Variants in PLCXD3 observed in about 807,000 individuals in gnomAD.
PLCXD3 encodes the protein phosphatidylinositol specific phospholipase C X domain containing 3, also known as PI-PLC X domain-containing protein 3.
A neutral mutation model predicts 25.5 loss-of-function variants in PLCXD3; 19 were observed. The ratio of observed to expected loss-of-function variants is 0.75; its 90% CI spans 0.52 to 1.09. The LOEUF (loss-of-function observed/expected upper bound fraction) is 1.09, where lower values mean the gene tolerates loss of function less well. PLCXD3 is among the 50% of genes least tolerant of loss of function. The pLI, the probability that PLCXD3 is intolerant of heterozygous loss-of-function variation, is 0.00. For synonymous variants in PLCXD3, 174 were observed against 137.6 expected, an observed-to-expected ratio of 1.26 and a Z score of -1.85; for missense variants, 411 against 388.1, an observed-to-expected ratio of 1.06 and a Z score of -0.50.
intron 1 of PLCXD3, among the ~76,000 whole-genome samples, chr5:41,448,473 A>G (rs1157578031): frequency 6.6e-6 from 1 of 152,258 alleles, no homozygotes; most frequent in Non-Finnish European, 1.5e-5. Flanking sequence ...TGATAGAATT[A>G]GAGAGCAAAA....
intron 1 of PLCXD3, among the ~76,000 whole-genome samples, chr5:41,444,274 G>T (rs190877305): frequency 1.7e-3 from 265 of 152,232 alleles, no homozygotes; most frequent in African/African-American, 6.1e-3. Flanking sequence ...TTTCTTAGGA[G>T]GGTTAATATT....
At chr5:41,416,225 G>T (rs1746688286) in intron 1 of PLCXD3, among the ~76,000 whole-genome samples, 1 of 152,166 alleles carries the variant, frequency 6.6e-6, no homozygotes, top group Admixed American at 6.5e-5. Flanking sequence ...GGAGCCAAGG[G>T]CAAGATGAAG....
At chr5:41,441,389 G>T (rs148721005) in intron 1 of PLCXD3, among the ~76,000 whole-genome samples, 3 of 152,302 alleles carry the variant, frequency 2.0e-5, no homozygotes, top group African/African-American at 7.2e-5. Flanking sequence ...TGGAAAAGAA[G>T]AAATGCATTG....
At position 41,311,382 on chromosome 5, in the gene PLCXD3, A is replaced by T. The variant is rs1361716491; in HGVS notation, c.*2235T>A. 2 of 152,180 alleles carry T rather than the reference A, an allele frequency of 1.3e-5. 1 individual carries two copies. Among genetic ancestry groups the T allele is most frequent in the East Asian group, 3.9e-4 (2 of 5,192 alleles). 9.4% of individuals were successfully genotyped at this position (152,180 alleles called of 1,614,324 possible). On this transcript the variant is annotated 3_prime_UTR_variant, in exon 3 of 3. Transcript: ENST00000377801. ...TTAAGTCCTACACTAGAATTCTTTT[A>T]CAAAAATACTTTGATGTGATCATCT...
intron 1 of PLCXD3, among the ~76,000 whole-genome samples, chr5:41,501,268 C>A (rs1168972563): frequency 1.3e-5 from 2 of 151,928 alleles, no homozygotes; most frequent in African/African-American, 4.8e-5. Context: ...TTGCAATAAG[C>A]TTCAGTATCG....
rs201637625 is a variant in PLCXD3 at position 41,420,974 on chromosome 5, TTC to T, written c.104-38442_104-38441del. On this transcript the variant is annotated intron_variant, in intron 1 of 2. Coordinates refer to ENST00000377801, the MANE Select transcript of PLCXD3 (RefSeq NM_001005473.3). ...ATACTTTTCCCCTGCATTTCCTGCA[TTC>T]TTTCAGTGGAATCTTACCCACAAGT... 3.4e-4 allele frequency among the ~76,000 whole-genome samples: 51 copies of T among 152,236 alleles called. No individual in the cohort carries two copies. The East Asian group carries it at 6.4e-3, about 19-fold the overall frequency.
Position 41,503,417 on chromosome 5 carries a change from G to C in PLCXD3, c.103+7007C>G, listed in dbSNP as rs564169210. Among the ~76,000 whole-genome samples the C allele has an allele frequency of 2.2e-3, 335 of 152,234 alleles. 1 individual carries two copies. The highest frequency in any genetic ancestry group is 2.4e-3 in the Non-Finnish European group (166 of 68,010). ...GCATTTAAGATAGAGTGTTGTAAGA[G>C]CTGTCCACTTCCAGGATCTGTAATG... On this transcript the variant is annotated intron_variant, in intron 1 of 2. Coordinates refer to ENST00000377801, the MANE Select transcript of PLCXD3 (RefSeq NM_001005473.3).
At position 41,359,235 on chromosome 5, in the gene PLCXD3, T is replaced by C. The variant is rs184315359; in HGVS notation, c.812+22591A>G. ...TTAGGGTGTTACTGGTTTCACAGAA[T>C]GATTTAGGGAGGATTCCCTCTTTCT... On this transcript the variant is annotated intron_variant, in intron 2 of 2. Transcript: ENST00000377801. 9.2e-5 allele frequency among the ~76,000 whole-genome samples: 14 copies of C among 152,322 alleles called. No homozygotes were observed. In the South Asian group the frequency reaches 1.2e-3, roughly 14 times the overall value.
At chr5:41,505,980 G>A (rs1749045211) in intron 1 of PLCXD3, among the ~76,000 whole-genome samples, 1 of 152,190 alleles carries the variant, frequency 6.6e-6, no homozygotes, top group Non-Finnish European at 1.5e-5. Context: ...TTACATAAAA[G>A]CCCTCTTTAG....
intron 2 of PLCXD3, among the ~76,000 whole-genome samples, chr5:41,374,334 T>G (rs1247289916): frequency 6.6e-6 from 1 of 152,114 alleles, no homozygotes; most frequent in African/African-American, 2.4e-5. Flanking sequence ...TGCCAAGTCC[T>G]AGGCTGGGAA....
At chr5:41,381,030 T>A (rs1745443208) in intron 2 of PLCXD3, among the ~76,000 whole-genome samples, 1 of 152,130 alleles carries the variant, frequency 6.6e-6, no homozygotes, top group South Asian at 2.1e-4. Flanking sequence ...GGATATAGTT[T>A]AAGAATAGAG....
intron 2 of PLCXD3, among the ~76,000 whole-genome samples, chr5:41,332,067 G>T (rs2150474780): frequency 6.6e-6 from 1 of 152,194 alleles, no homozygotes; most frequent in African/African-American, 2.4e-5. Flanking sequence ...GAAAAGCAAT[G>T]GCAACAAAAG....
intron 1 of PLCXD3, among the ~76,000 whole-genome samples, chr5:41,464,939 A>G (rs1472730499): frequency 6.6e-6 from 1 of 152,028 alleles, no homozygotes; most frequent in Non-Finnish European, 1.5e-5. Context: ...TATTTCAATA[A>G]CTACTTTATT....
At chr5:41,316,385 G>A (rs1743292774) in intron 2 of PLCXD3, among the ~76,000 whole-genome samples, 1 of 152,182 alleles carries the variant, frequency 6.6e-6, no homozygotes, top group South Asian at 2.1e-4. Context: ...TGGGTCTTGG[G>A]TGAACCTCTG....
intron 2 of PLCXD3, among the ~76,000 whole-genome samples, chr5:41,316,126 G>A (rs1167522401): frequency 1.3e-5 from 2 of 152,164 alleles, no homozygotes; most frequent in African/African-American, 4.8e-5. Flanking sequence ...AGAAGAGGGG[G>A]AAGAATGGTG....
At chr5:41,419,392 A>AG (rs1366980226) in intron 1 of PLCXD3, among the ~76,000 whole-genome samples, 1 of 152,206 alleles carries the variant, frequency 6.6e-6, no homozygotes, top group African/African-American at 2.4e-5. Context: ...TCAAAGTGCT[A>AG]GGGGAACATT....
chr5:41,490,367 G>A lies in PLCXD3; in HGVS notation c.103+20057C>T, dbSNP rs573500281. 1.3e-4 allele frequency among the ~76,000 whole-genome samples: 20 copies of A among 152,294 alleles called. No individual in the cohort carries two copies. In the South Asian group the frequency reaches 4.1e-3, roughly 32 times the overall value. On this transcript the variant is annotated intron_variant, in intron 1 of 2. Coordinates refer to ENST00000377801, the MANE Select transcript of PLCXD3 (RefSeq NM_001005473.3). Reference sequence around the variant, plus strand: ...TTTTATTGAGGATTTTTGCTTCAATGTTCATCAAGGATATTGGTCTAAAAT... The same window carrying A: ...TTTTATTGAGGATTTTTGCTTCAATATTCATCAAGGATATTGGTCTAAAAT...
chr5:41,493,645 C>A (rs1263690559), intron 1 of PLCXD3, among the ~76,000 whole-genome samples: 1 of 152,232 alleles, frequency 6.6e-6, no homozygotes, highest in Admixed American at 6.5e-5. Context: ...ATGGTGGGCA[C>A]CCCTCCCCCA....
intron 2 of PLCXD3, among the ~76,000 whole-genome samples, chr5:41,335,151 C>G (rs1022555345): frequency 6.6e-6 from 1 of 152,150 alleles, no homozygotes; most frequent in Non-Finnish European, 1.5e-5. Context: ...ACTCAAAGCT[C>G]AAAAGCAATT....
Sources: gnomAD v4.1 joint callset for allele counts (sites outside exome capture counted in the v4.1 genomes callset) on GRCh38, gnomAD v4.1.1 for gene constraint, MANE v1.5 for transcripts, NCBI Gene and HGNC (gene_info 2026-07-23, HGNC 2026-07-21) for gene names.